Variants in BICD1 observed in about 807,000 individuals in gnomAD.
BICD1 encodes the protein BICD cargo adaptor 1, also known as protein bicaudal D homolog 1.
A neutral mutation model predicts 92.5 loss-of-function variants in BICD1; 35 were observed. The observed-to-expected ratio is 0.38, with a 90% CI of 0.29 to 0.50. BICD1 has a LOEUF of 0.50. BICD1 is among the 20% of genes least tolerant of loss of function. BICD1 has a pLI of 0.93. For missense variants in BICD1, 950 were observed against 1,189.8 expected, an observed-to-expected ratio of 0.80 and a Z score of 2.97; for synonymous variants, 429 against 465.1, an observed-to-expected ratio of 0.92 and a Z score of 1.00.
intron 1 of BICD1, among the ~76,000 whole-genome samples, chr12:32,212,039 C>G (rs753964723): frequency 6.6e-6 from 1 of 152,196 alleles, no homozygotes; most frequent in Non-Finnish European, 1.5e-5. Flanking sequence ...ATAAGAATTT[C>G]TGTCGAGAGA....
At chr12:32,198,097 CG>C (rs1372004327) in intron 1 of BICD1, among the ~76,000 whole-genome samples, 1 of 151,606 alleles carries the variant, frequency 6.6e-6, no homozygotes, top group Admixed American at 6.6e-5. Context: ...CCCAGCTACT[CG>C]GGTGGCTGAG....
intron 1 of BICD1, among the ~76,000 whole-genome samples, chr12:32,153,615 G>A (rs1200815834): frequency 6.6e-6 from 1 of 152,070 alleles, no homozygotes; most frequent in African/African-American, 2.4e-5. Context: ...AACTAGCCAG[G>A]CATGATGGCG....
rs1947430802 is a variant in BICD1 at position 32,282,202 on chromosome 12, C to CTTCT, written c.427-11790_427-11789insCTTT. ...GCAAGACCCAGCTTCAGGTCTTCTT[C>CTTCT]TTTTTTTTTTTTTTTTTTTTTTTTT... On this transcript the variant is annotated intron_variant, in intron 2 of 9. Transcript: ENST00000652176. Among the ~76,000 whole-genome samples, 8 of 94,256 alleles carry CTTCT rather than the reference C, an allele frequency of 8.5e-5. 1 individual carries two copies. Among genetic ancestry groups the CTTCT allele is most frequent in the African/African-American group, 3.6e-4 (8 of 22,466 alleles). The allele number at this position is 94,256 out of a possible 152,430, so 61.8% of individuals were successfully genotyped here. A position where few individuals can be genotyped will look rare whatever the true frequency, so the allele number is the denominator to read the frequency against.
chr12:32,355,243 ATGT>A (rs1445544521), intron 8 of BICD1, among the ~76,000 whole-genome samples: 5 of 152,384 alleles, frequency 3.3e-5, no homozygotes, highest in South Asian at 2.1e-4. Flanking sequence ...TGTTAGAAAG[ATGT>A]TGTTACAATG....
intron 8 of BICD1, among the ~76,000 whole-genome samples, chr12:32,366,357 C>A (rs770490873): frequency 6.6e-6 from 1 of 152,200 alleles, no homozygotes; most frequent in Non-Finnish European, 1.5e-5. Flanking sequence ...CAGTGGCTCA[C>A]GCCTGTAATC....
At chr12:32,111,768 T>C (rs1144718) in intron 1 of BICD1, among the ~76,000 whole-genome samples, 111,769 of 151,746 alleles carry the variant, frequency 0.74, 41,259 homozygotes, top group Admixed American at 0.81. Flanking sequence ...CCACCACACC[T>C]GGCTAATTTT....
At chr12:32,127,888 T>C (rs10844133) in intron 1 of BICD1, among the ~76,000 whole-genome samples, 17,833 of 151,072 alleles carry the variant, frequency 0.12, 1,248 homozygotes, top group East Asian at 0.32. Flanking sequence ...AGAAATCTTA[T>C]TGGGGCTGTG....
Position 32,253,470 on chromosome 12 carries a change from C to T in BICD1, c.426+37011C>T, listed in dbSNP as rs372133337. 1.1e-4 allele frequency among the ~76,000 whole-genome samples: 16 copies of T among 151,962 alleles called. 1 individual carries two copies. The East Asian group carries it at 2.1e-3, about 20-fold the overall frequency. On this transcript the variant is annotated intron_variant, in intron 2 of 9. Transcript: ENST00000652176. ...TACAAATTTAATTTGATGATAAGAG[C>T]TCAAGAAAGGCCGTGGATTCTTTTT...
At chr12:32,194,072 C>T (rs1199790101) in intron 1 of BICD1, among the ~76,000 whole-genome samples, 1 of 152,116 alleles carries the variant, frequency 6.6e-6, no homozygotes, top group Admixed American at 6.5e-5. Context: ...ATGTGATATA[C>T]CACATTAACA....
At chr12:32,243,494 A>C (rs954446628) in intron 2 of BICD1, among the ~76,000 whole-genome samples, 2 of 152,060 alleles carry the variant, frequency 1.3e-5, no homozygotes, top group Non-Finnish European at 2.9e-5. Context: ...ATAATTGATC[A>C]AATGGTAGAA....
chr12:32,268,029 TC>T (rs1947045256), intron 2 of BICD1, among the ~76,000 whole-genome samples: 1 of 152,216 alleles, frequency 6.6e-6, no homozygotes, highest in African/African-American at 2.4e-5. Flanking sequence ...GGCCTCAAAC[TC>T]CTGGCCTTCC....
intron 2 of BICD1, among the ~76,000 whole-genome samples, chr12:32,248,698 A>G (rs2136099696): frequency 6.6e-6 from 1 of 152,292 alleles, no homozygotes; most frequent in East Asian, 1.9e-4. Flanking sequence ...TCTTTAGCTC[A>G]GCTAGGTTCA....
At chr12:32,366,191 A>T (rs747553127) in intron 8 of BICD1, among the ~76,000 whole-genome samples, 6 of 152,264 alleles carry the variant, frequency 3.9e-5, no homozygotes, top group Non-Finnish European at 8.8e-5. Context: ...TTATGTAACT[A>T]TATAGGCAGG....
intron 3 of BICD1, among the ~76,000 whole-genome samples, chr12:32,303,280 AT>A (rs1948113806): frequency 6.6e-6 from 1 of 152,120 alleles, no homozygotes; most frequent in African/African-American, 2.4e-5. Context: ...TGGTGAGCAC[AT>A]TCTTTCACTG....
chr12:32,234,995 G>A (rs73310707), intron 2 of BICD1, among the ~76,000 whole-genome samples: 126 of 152,072 alleles, frequency 8.3e-4, no homozygotes, highest in Non-Finnish European at 1.0e-3. Flanking sequence ...TAAACATCTC[G>A]TCTGAGGCTA....
At chr12:32,346,566 A>ACGTGTG in intron 8 of BICD1, among the ~76,000 whole-genome samples, 1 of 43,862 alleles carries the variant, frequency 2.3e-5, no homozygotes, top group Non-Finnish European at 3.4e-5. Context: ...ATATATATAT[A>ACGTGTG]TATATATATA....
chr12:32,165,418 A>C (rs1325520626), intron 1 of BICD1, among the ~76,000 whole-genome samples: 1 of 152,138 alleles, frequency 6.6e-6, no homozygotes, highest in East Asian at 1.9e-4. Flanking sequence ...CGGGATGTTG[A>C]GGCAGGAGAA....
chr12:32,372,587 A>G (rs1220932138), intron 9 of BICD1, among the ~76,000 whole-genome samples: 3 of 152,206 alleles, frequency 2.0e-5, no homozygotes, highest in Non-Finnish European at 4.4e-5. Context: ...TTAACAATGT[A>G]GAACTTTTCA....
At chr12:32,109,005 A>G (rs904642509) in intron 1 of BICD1, 3 of 223,164 alleles carry the variant, frequency 1.3e-5, no homozygotes, top group African/African-American at 4.5e-5. Context: ...GATATTGTCT[A>G]TACCTATCAA....
Sources: gnomAD v4.1 joint callset for allele counts (sites outside exome capture counted in the v4.1 genomes callset) on GRCh38, gnomAD v4.1.1 for gene constraint, MANE v1.5 for transcripts, NCBI Gene and HGNC (gene_info 2026-07-23, HGNC 2026-07-21) for gene names.